The following ASAP1 variants were observed in gnomAD, a reference collection of about 807,000 sequenced individuals.
ASAP1 encodes ArfGAP with SH3 domain, ankyrin repeat and PH domain 1, also known as arf-GAP with SH3 domain, ANK repeat and PH domain-containing protein 1.
A neutral mutation model predicts 145.2 loss-of-function variants in ASAP1; 43 were observed. The observed-to-expected ratio is 0.30, with a 90% CI of 0.23 to 0.38. The LOEUF (loss-of-function observed/expected upper bound fraction) is 0.38, where lower values mean the gene tolerates loss of function less well. ASAP1 is among the 10% of genes least tolerant of loss of function. The pLI, the probability that ASAP1 is intolerant of heterozygous loss-of-function variation, is 1.00. For synonymous variants in ASAP1, 546 were observed against 515.5 expected, an observed-to-expected ratio of 1.06 and a Z score of -0.80; for missense variants, 1,018 against 1,355.3, an observed-to-expected ratio of 0.75 and a Z score of 3.91.
Position 130,076,230 on chromosome 8 carries a change from AG to A in ASAP1, c.2701+117del, listed in dbSNP as rs1387130269. On this transcript the variant is annotated intron_variant, in intron 27 of 29. Coordinates refer to ENST00000518721, the MANE Select transcript of ASAP1 (RefSeq NM_018482.4). ...ATTTACTAGGCATCCACTACATGCC[AG>A]GTGCTGCTCTAGGCATTTGGGATGG... 4.8e-6 allele frequency: 3 copies of A among 623,208 alleles called. No homozygotes were observed. In the East Asian group the frequency reaches 8.6e-5, roughly 18 times the overall value. The allele number at this position is 623,208 out of a possible 1,614,324, so 38.6% of individuals were successfully genotyped here. A position where few individuals can be genotyped will look rare whatever the true frequency, so the allele number is the denominator to read the frequency against.
At chr8:130,423,041 C>T (rs1829782389) in intron 1 of ASAP1, among the ~76,000 whole-genome samples, 1 of 152,166 alleles carries the variant, frequency 6.6e-6, no homozygotes, top group African/African-American at 2.4e-5. Flanking sequence ...AAGCACAGTA[C>T]CAAGTAATAG....
At chr8:130,384,674 G>A (rs1473966427) in intron 2 of ASAP1, among the ~76,000 whole-genome samples, 8 of 152,098 alleles carry the variant, frequency 5.3e-5, no homozygotes, top group Admixed American at 5.2e-4. Flanking sequence ...TAGAGATGGG[G>A]TTTCACCATG....
At chr8:130,269,271 G>A (rs1820448137) in intron 3 of ASAP1, among the ~76,000 whole-genome samples, 1 of 152,116 alleles carries the variant, frequency 6.6e-6, no homozygotes, top group Admixed American at 6.6e-5. Context: ...AGTAAAATCC[G>A]AGGTTTGCAG....
intron 27 of ASAP1, among the ~76,000 whole-genome samples, chr8:130,066,778 G>C (rs1000333542): frequency 6.6e-6 from 1 of 152,150 alleles, no homozygotes. Context: ...GAGAACTTCC[G>C]TAAATTCAGA....
At position 130,132,858 on chromosome 8, in the gene ASAP1, T is replaced by A. The variant is rs552593562; in HGVS notation, c.1217+1438A>T. On this transcript the variant is annotated intron_variant, in intron 15 of 29. Transcript: ENST00000518721. Reference sequence around the variant, plus strand: ...TTCCCCACCCTGTTCCTCCCACCTCTGTATCTTTTCTACCCATGTTCTCTT... The same window carrying A: ...TTCCCCACCCTGTTCCTCCCACCTCAGTATCTTTTCTACCCATGTTCTCTT... 5.9e-5 allele frequency among the ~76,000 whole-genome samples: 9 copies of A among 152,360 alleles called. No individual in the cohort carries two copies. In the South Asian group the frequency reaches 1.9e-3, roughly 32 times the overall value.
intron 27 of ASAP1, among the ~76,000 whole-genome samples, chr8:130,062,941 C>G (rs951563825): frequency 2.6e-5 from 4 of 152,066 alleles, no homozygotes; most frequent in Non-Finnish European, 4.4e-5. Context: ...CCATTGCACT[C>G]CAGCCTGGGT....
chr8:130,338,779 G>C (rs1298723934), intron 3 of ASAP1, among the ~76,000 whole-genome samples: 2 of 152,194 alleles, frequency 1.3e-5, no homozygotes, highest in African/African-American at 4.8e-5. Flanking sequence ...CACACAGAGA[G>C]CCAGCAGAAA....
intron 1 of ASAP1, among the ~76,000 whole-genome samples, chr8:130,415,559 T>C (rs1036524846): frequency 1.3e-5 from 2 of 151,868 alleles, no homozygotes; most frequent in African/African-American, 4.8e-5. Context: ...AGGCTGAGGC[T>C]GGTGGATCAC....
At chr8:130,434,707 A>G (rs1830250120) in intron 1 of ASAP1, among the ~76,000 whole-genome samples, 1 of 152,132 alleles carries the variant, frequency 6.6e-6, no homozygotes, top group African/African-American at 2.4e-5. Context: ...CGCAAAGAAC[A>G]GTGGGTCAAA....
Position 130,134,319 on chromosome 8 carries a change from T to G in ASAP1, c.1194A>C (p.Ala398=). ...ISHNRTYHFQ[A]EDEQDYVAWI... is the part of the protein sequence containing the mutation. Reference sequence around the variant, plus strand: ...ACGCTACATAATCCTGCTCATCTTCTGCCTGAAAGTGATATGTTCTATTAT... The same window carrying G: ...ACGCTACATAATCCTGCTCATCTTCGGCCTGAAAGTGATATGTTCTATTAT... The change falls in exon 15 of 30, where the codon GCA becomes GCC. Residue 398 remains alanine, a synonymous_variant. Coordinates refer to ENST00000518721, the MANE Select transcript of ASAP1 (RefSeq NM_018482.4). 1.3e-6 allele frequency: 2 copies of G among 1,586,428 alleles called. No homozygotes were observed. Among genetic ancestry groups the G allele is most frequent in the Non-Finnish European group, 1.7e-6 (2 of 1,166,372 alleles).
At chr8:130,390,944 C>T (rs546077171) in intron 2 of ASAP1, among the ~76,000 whole-genome samples, 2 of 148,842 alleles carry the variant, frequency 1.3e-5, no homozygotes, top group African/African-American at 2.5e-5. Context: ...CCCCCGCCCC[C>T]CCAAAATTGA....
chr8:130,394,064 ATTGT>A (rs1314727246), intron 2 of ASAP1, among the ~76,000 whole-genome samples: 2 of 152,280 alleles, frequency 1.3e-5, no homozygotes, highest in East Asian at 3.9e-4. Context: ...AACTGCACAA[ATTGT>A]TTGTAGAGCA....
chr8:130,072,432 C>T (rs2097448754), intron 27 of ASAP1, among the ~76,000 whole-genome samples: 1 of 152,084 alleles, frequency 6.6e-6, no homozygotes, highest in Non-Finnish European at 1.5e-5. Flanking sequence ...TCTCATTTTT[C>T]TCTTGCCTGC....
At chr8:130,070,491 G>A (rs907530780) in intron 27 of ASAP1, among the ~76,000 whole-genome samples, 1 of 152,040 alleles carries the variant, frequency 6.6e-6, no homozygotes, top group Non-Finnish European at 1.5e-5. Flanking sequence ...CAGAGTAGAA[G>A]CTAGAGTGCT....
At chr8:130,274,570 A>G (rs927469041) in intron 3 of ASAP1, among the ~76,000 whole-genome samples, 1 of 152,268 alleles carries the variant, frequency 6.6e-6, no homozygotes, top group African/African-American at 2.4e-5. Context: ...TCAACTTGAC[A>G]TAGCAACCTC....
At chr8:130,152,231 A>G (rs996928636) in intron 13 of ASAP1, among the ~76,000 whole-genome samples, 7 of 152,254 alleles carry the variant, frequency 4.6e-5, no homozygotes, top group African/African-American at 1.7e-4. Context: ...ACATTAAAAA[A>G]GTCTTGGCAT....
chr8:130,288,441 C>T (rs1453495543), intron 3 of ASAP1, among the ~76,000 whole-genome samples: 2 of 152,074 alleles, frequency 1.3e-5, no homozygotes, highest in Non-Finnish European at 2.9e-5. Context: ...CTTATCAGGA[C>T]ATGTTTTATT....
intron 2 of ASAP1, among the ~76,000 whole-genome samples, chr8:130,364,731 T>G (rs1826871533): frequency 6.6e-6 from 1 of 152,160 alleles, no homozygotes; most frequent in South Asian, 2.1e-4. Flanking sequence ...TCAGCTTCTC[T>G]CACTCTGCCT....
chr8:130,237,096 A>G, intron 3 of ASAP1, 102 bp from the exon 4 acceptor site: 1 of 797,000 alleles, frequency 1.3e-6, no homozygotes. Flanking sequence ...CTGAGTACCA[A>G]AGCAACAGCA....
Sources: gnomAD v4.1 joint callset for allele counts (sites outside exome capture counted in the v4.1 genomes callset) on GRCh38, gnomAD v4.1.1 for gene constraint, MANE v1.5 for transcripts, NCBI Gene and HGNC (gene_info 2026-07-23, HGNC 2026-07-21) for gene names.